The following PLXNA4 variants were observed in gnomAD, a reference collection of about 807,000 sequenced individuals.
PLXNA4 encodes the protein plexin A4, also known as plexin-A4.
Under a neutral mutation model 191.8 loss-of-function variants are expected in PLXNA4, and 44 were observed. That is an observed-to-expected ratio of 0.23 (90% CI 0.18 to 0.29). PLXNA4 has a LOEUF of 0.29. PLXNA4 is among the 10% of genes least tolerant of loss of function. PLXNA4 has a pLI of 1.00. For missense variants in PLXNA4, 1,800 were observed against 2,488.8 expected, an observed-to-expected ratio of 0.72 and a Z score of 5.89; for synonymous variants, 1,082 against 1,009.5, an observed-to-expected ratio of 1.07 and a Z score of -1.36.
chr7:132,225,619 C>CG (rs386411340), intron 8 of PLXNA4, among the ~76,000 whole-genome samples: 8 of 151,190 alleles, frequency 5.3e-5, no homozygotes, highest in Non-Finnish European at 1.0e-4. Flanking sequence ...AGAGTCCGCC[C>CG]CCCCCCACAG....
At chr7:132,180,285 C>T (rs79877622) in intron 19 of PLXNA4, among the ~76,000 whole-genome samples, 4,989 of 152,274 alleles carry the variant, frequency 0.033, 320 homozygotes, top group Admixed American at 0.17. Context: ...TAAGATATTA[C>T]GGAATTCCCT....
chr7:132,130,641 C>T (rs947113609), intron 31 of PLXNA4, 67 bp from the exon 32 acceptor site: 69 of 1,608,246 alleles, frequency 4.3e-5, no homozygotes, highest in Non-Finnish European at 5.3e-5. Context: ...TCAGGAGGCA[C>T]AAAGATGGTG....
At chr7:132,169,110 A>C (rs1260440850) in intron 21 of PLXNA4, among the ~76,000 whole-genome samples, 1 of 152,210 alleles carries the variant, frequency 6.6e-6, no homozygotes, top group Admixed American at 6.5e-5. Context: ...AACTCTGGGT[A>C]AGTCTCTTTC....
At chr7:132,362,857 C>T (rs1804003059) in intron 3 of PLXNA4, among the ~76,000 whole-genome samples, 1 of 152,116 alleles carries the variant, frequency 6.6e-6, no homozygotes, top group Non-Finnish European at 1.5e-5. Flanking sequence ...CATGCTACCT[C>T]TTTTATTGTA....
At chr7:132,198,136 G>A (rs1797310074) in intron 13 of PLXNA4, among the ~76,000 whole-genome samples, 1 of 152,176 alleles carries the variant, frequency 6.6e-6, no homozygotes, top group South Asian at 2.1e-4. Flanking sequence ...GGGGGGATGT[G>A]AGCGGGAAGT....
chr7:132,615,927 A>ATCTCTCCCTCTCTCTCTCTC (rs1803145143), intron 2 of PLXNA4, among the ~76,000 whole-genome samples: 1 of 83,674 alleles, frequency 1.2e-5, no homozygotes, highest in Admixed American at 1.3e-4. Flanking sequence ...CAGATAAAGG[A>ATCTCTCCCTCTCTCTCTCTC]TCTCTCTCTC....
chr7:132,435,616 G>T (rs748131897), intron 3 of PLXNA4, among the ~76,000 whole-genome samples: 13 of 152,168 alleles, frequency 8.5e-5, no homozygotes, highest in Non-Finnish European at 1.5e-4. Context: ...AGATACAGCC[G>T]GACATCCGGG....
intron 2 of PLXNA4, among the ~76,000 whole-genome samples, chr7:132,615,205 T>C (rs1374593005): frequency 2.0e-5 from 3 of 151,896 alleles, no homozygotes; most frequent in Admixed American, 2.0e-4. Context: ...TGGTTACCGG[T>C]GGAGCGGGAG....
At chr7:132,529,996 G>T (rs1391859256) in intron 1 of PLXNA4, among the ~76,000 whole-genome samples, 1 of 152,174 alleles carries the variant, frequency 6.6e-6, no homozygotes, top group African/African-American at 2.4e-5. Context: ...CAGTCCCAGG[G>T]TTCAAAATCA....
intron 4 of PLXNA4, among the ~76,000 whole-genome samples, chr7:132,253,238 T>C (rs11762193): frequency 0.024 from 1,385 of 58,878 alleles, 8 homozygotes; most frequent in Admixed American, 0.035. Flanking sequence ...TTTTCTTTTT[T>C]TTTTTTTTTT....
chr7:132,592,430 A>T (rs371261285), intron 2 of PLXNA4, among the ~76,000 whole-genome samples: 1 of 148,388 alleles, frequency 6.7e-6, no homozygotes, highest in African/African-American at 2.5e-5. Flanking sequence ...CAAAGATAAA[A>T]CCTCCTTCAT....
At chr7:132,509,188 G>A (rs1798611598) in intron 1 of PLXNA4, among the ~76,000 whole-genome samples, 1 of 151,838 alleles carries the variant, frequency 6.6e-6, no homozygotes, top group Non-Finnish European at 1.5e-5. Flanking sequence ...AGGGAGGGAG[G>A]AAGGGCAGGA....
rs1361551428 is a variant in PLXNA4, at chr7:132,185,301, G to A, written c.3156C>T (p.Val1052=). ...GGTCCGCTTGGGCCAGCTCCTACCT[G>A]ACAATGCTCCATTCTGGCTCAATCC... The part of the protein sequence containing the change: ...IVRIEPEWSI[V]SGNTPIAVWG... The change falls in exon 16 of 32, where the codon GTC becomes GTT. Residue 1052 remains valine, a splice_region_variant and synonymous_variant. Coordinates refer to ENST00000321063, the MANE Select transcript of PLXNA4 (RefSeq NM_020911.2). 1 of 1,611,930 alleles carries A rather than the reference G, an allele frequency of 6.2e-7. No homozygotes were observed. The highest frequency in any genetic ancestry group is 1.7e-5 in the Admixed American group (1 of 59,830).
chr7:132,261,231 C>T (rs1799630944), intron 4 of PLXNA4, among the ~76,000 whole-genome samples: 2 of 152,142 alleles, frequency 1.3e-5, no homozygotes, highest in Admixed American at 1.3e-4. Flanking sequence ...GGCTGAGGGA[C>T]CCAATGTGGA....
chr7:132,282,725 T>C (rs1056384202), intron 4 of PLXNA4, among the ~76,000 whole-genome samples: 2 of 146,472 alleles, frequency 1.4e-5, no homozygotes, highest in Middle Eastern at 3.7e-3. Context: ...TTAGCAGCCC[T>C]TGGCATCAAA....
At position 132,647,791 on chromosome 7, in the gene PLXNA4, TAC is replaced by T. The variant is rs146190906; in HGVS notation, c.-203+721_-203+722del. On this transcript the variant is annotated intron_variant, in intron 1 of 4. Transcript: ENST00000378539. ...ACAAACACTATCATATACACACATA[TAC>T]ACACACAGTCACACACATACACATA... Among the ~76,000 whole-genome samples, 267 of 151,074 alleles carry T rather than the reference TAC, an allele frequency of 1.8e-3. 8 individuals carry two copies. In the East Asian group the frequency reaches 0.038, roughly 22 times the overall value.
At chr7:132,557,498 G>C (rs1484201389) in intron 1 of PLXNA4, among the ~76,000 whole-genome samples, 1 of 150,798 alleles carries the variant, frequency 6.6e-6, no homozygotes, top group East Asian at 1.9e-4. Flanking sequence ...AGGAGCCCTT[G>C]AATAAAAATC....
At chr7:132,226,693 C>A (rs1259345137) in intron 7 of PLXNA4, among the ~76,000 whole-genome samples, 1 of 152,164 alleles carries the variant, frequency 6.6e-6, no homozygotes, top group Non-Finnish European at 1.5e-5. Flanking sequence ...TAAAGAGAGC[C>A]CCTGTTCTGA....
chr7:132,240,828 C>T (rs1798852522), intron 5 of PLXNA4, among the ~76,000 whole-genome samples: 1 of 152,162 alleles, frequency 6.6e-6, no homozygotes, highest in African/African-American at 2.4e-5. Flanking sequence ...CCTGACCTGT[C>T]ATGATTCCCA....
Sources: gnomAD v4.1 joint callset for allele counts (sites outside exome capture counted in the v4.1 genomes callset) on GRCh38, gnomAD v4.1.1 for gene constraint, MANE v1.5 for transcripts, NCBI Gene and HGNC (gene_info 2026-07-23, HGNC 2026-07-21) for gene names.